Variants in CCDC146 observed in about 807,000 individuals in gnomAD.
The protein encoded by CCDC146 is coiled-coil domain containing 146.
CCDC146 carries 92 observed loss-of-function variants against 119.3 expected under a neutral mutation model. The ratio of observed to expected loss-of-function variants is 0.77; its 90% CI spans 0.65 to 0.92. CCDC146 has a LOEUF of 0.92. CCDC146 is among the 40% of genes least tolerant of loss of function. The probability of loss-of-function intolerance (pLI) is 0.00; values close to 1 mark genes in which losing one functional copy is unlikely to be tolerated. For synonymous variants in CCDC146, 372 were observed against 371.8 expected (o/e 1.00, Z -0.01); for missense variants, 1,000 against 1,103.0 (o/e 0.91, Z 1.32).
intron 2 of CCDC146, among the ~76,000 whole-genome samples, chr7:77,229,599 G>A (rs1584092810): frequency 2.6e-5 from 4 of 152,224 alleles, no homozygotes; most frequent in Middle Eastern, 3.4e-3. Flanking sequence ...GCTTGTTTTT[G>A]TCAGGTTTGT....
At chr7:77,282,942 T>C (rs1197534848) in intron 15 of CCDC146, among the ~76,000 whole-genome samples, 157 bp downstream of exon 15, 2 of 152,248 alleles carry the variant, frequency 1.3e-5, no homozygotes, top group African/African-American at 2.4e-5. Flanking sequence ...AATGCTACTC[T>C]AGGATGGAAT....
At chr7:77,203,428 T>G (rs112536000) in intron 2 of CCDC146, among the ~76,000 whole-genome samples, 51 of 152,064 alleles carry the variant, frequency 3.4e-4, no homozygotes, top group African/African-American at 1.2e-3. Flanking sequence ...GGTATGAATA[T>G]TGACACAGAA....
chr7:77,149,670 G>A lies in CCDC146; in HGVS notation c.-11-17988G>A, dbSNP rs185189536. On this transcript the variant is annotated intron_variant, in intron 1 of 18. Transcript: ENST00000285871. Reference sequence around the variant, plus strand: ...AATCCCAGCTACTCTGGATACTGAGGACAAGGATCACTTGCACCTGGGAAG... The same window carrying A: ...AATCCCAGCTACTCTGGATACTGAGAACAAGGATCACTTGCACCTGGGAAG... Among the ~76,000 whole-genome samples the A allele has an allele frequency of 2.8e-3, 422 of 151,774 alleles. 2 individuals carry two copies. Among genetic ancestry groups the A allele is most frequent in the African/African-American group, 9.9e-3 (408 of 41,340 alleles).
intron 8 of CCDC146, among the ~76,000 whole-genome samples, chr7:77,260,807 T>G (rs1208010273): frequency 6.6e-6 from 1 of 151,324 alleles, no homozygotes; most frequent in African/African-American, 2.4e-5. Flanking sequence ...TTTTTTTTCT[T>G]CTCATTAGAG....
At chr7:77,215,818 G>C (rs896330786) in intron 2 of CCDC146, among the ~76,000 whole-genome samples, 6 of 151,840 alleles carry the variant, frequency 4.0e-5, no homozygotes, top group African/African-American at 1.2e-4. Flanking sequence ...TTGTCCTTAG[G>C]GCAAAATCTA....
At chr7:77,199,087 C>T in intron 2 of CCDC146, 1 of 1,043,094 alleles carries the variant, frequency 9.6e-7, no homozygotes, top group South Asian at 1.5e-5. Context: ...AATCTGTCAT[C>T]TATTTAACTT....
chr7:77,253,632 T>C (rs942476730), intron 4 of CCDC146, among the ~76,000 whole-genome samples: 1 of 152,238 alleles, frequency 6.6e-6, no homozygotes, highest in African/African-American at 2.4e-5. Flanking sequence ...ACAATGATGA[T>C]GCAGTGGTAA....
intron 2 of CCDC146, among the ~76,000 whole-genome samples, chr7:77,205,709 G>C (rs2150442409): frequency 6.6e-6 from 1 of 152,350 alleles, no homozygotes; most frequent in East Asian, 1.9e-4. Flanking sequence ...CGTGAGCTAA[G>C]ATCATGCCAC....
At chr7:77,277,523 G>A (rs1327983151) in intron 11 of CCDC146, among the ~76,000 whole-genome samples, 1 of 151,892 alleles carries the variant, frequency 6.6e-6, no homozygotes, top group Non-Finnish European at 1.5e-5. Flanking sequence ...CCTGTACTTA[G>A]CTGCAGTTTC....
chr7:77,134,557 GTGTGTC>G (rs1369839395), intron 1 of CCDC146, among the ~76,000 whole-genome samples: 3,068 of 109,120 alleles, frequency 0.028, 110 homozygotes, highest in African/African-American at 0.1. Flanking sequence ...GTGTGTGTGT[GTGTGTC>G]TGTGTGTGTG....
At chr7:77,127,790 T>C (rs188614855) in intron 1 of CCDC146, among the ~76,000 whole-genome samples, 2 of 152,240 alleles carry the variant, frequency 1.3e-5, no homozygotes, top group African/African-American at 4.8e-5. Context: ...ACATGTATTT[T>C]AATTTCTCAT....
chr7:77,211,084 T>C (rs1792173594), intron 2 of CCDC146, among the ~76,000 whole-genome samples: 1 of 152,212 alleles, frequency 6.6e-6, no homozygotes, highest in African/African-American at 2.4e-5. Context: ...CATTAGGGTA[T>C]CTATAAATGT....
intron 14 of CCDC146, among the ~76,000 whole-genome samples, chr7:77,280,884 T>C (rs1284617280): frequency 6.6e-6 from 1 of 152,112 alleles, no homozygotes; most frequent in Non-Finnish European, 1.5e-5. Flanking sequence ...GGTGGATCAC[T>C]TGAGCTCAGG....
chr7:77,135,424 G>T (rs1790847804), intron 1 of CCDC146, among the ~76,000 whole-genome samples: 1 of 151,612 alleles, frequency 6.6e-6, no homozygotes, highest in African/African-American at 2.4e-5. Context: ...GAAGATTCAG[G>T]CTGCAGCAAC....
At chr7:77,293,331 A>C (rs774670048) in intron 18 of CCDC146, 131 bp downstream of exon 18, 3 of 947,740 alleles carry the variant, frequency 3.2e-6, no homozygotes, top group Non-Finnish European at 4.7e-6. Flanking sequence ...AGTCGTTAGA[A>C]GTGTATTTAA....
intron 2 of CCDC146, among the ~76,000 whole-genome samples, chr7:77,215,552 T>C (rs978877234): frequency 1.3e-5 from 2 of 152,142 alleles, no homozygotes; most frequent in African/African-American, 2.4e-5. Flanking sequence ...GCCTTTTTAA[T>C]GGACAGAACT....
At chr7:77,274,709 TTATA>T in intron 11 of CCDC146, 57 bp downstream of exon 11, 1 of 1,361,788 alleles carries the variant, frequency 7.3e-7, no homozygotes, top group Non-Finnish European at 1.0e-6. Flanking sequence ...GGTAGCCTCA[TTATA>T]ATGCCACGTG....
At chr7:77,140,086 G>C (rs1790912241) in intron 1 of CCDC146, among the ~76,000 whole-genome samples, 1 of 151,710 alleles carries the variant, frequency 6.6e-6, no homozygotes, top group Non-Finnish European at 1.5e-5. Context: ...GCAGAGACGA[G>C]GTTTCACCAT....
chr7:77,206,771 G>A (rs1792090207), intron 2 of CCDC146, among the ~76,000 whole-genome samples: 1 of 149,842 alleles, frequency 6.7e-6, no homozygotes, highest in African/African-American at 2.5e-5. Flanking sequence ...ATGCCATATA[G>A]AACATTGTGA....
Sources: allele counts gnomAD v4.1 joint callset (sites outside exome capture counted in the v4.1 genomes callset), GRCh38; gene constraint gnomAD v4.1.1; transcripts MANE v1.5; gene names NCBI Gene and HGNC (gene_info 2026-07-23, HGNC 2026-07-21).